COL4A1: variants seen among roughly 807,000 people sequenced by gnomAD.
COL4A1 encodes collagen alpha-1(IV) chain.
Under a neutral mutation model 216.6 loss-of-function variants are expected in COL4A1, and 40 were observed. That is an observed-to-expected ratio of 0.18 (90% CI 0.14 to 0.24). The LOEUF (loss-of-function observed/expected upper bound fraction) is 0.24, where lower values mean the gene tolerates loss of function less well. Ranked by LOEUF, COL4A1 falls within the 10% of genes least tolerant of loss-of-function variation. COL4A1 has a pLI of 1.00. For missense variants in COL4A1, 1,628 were observed against 2,196.8 expected (o/e 0.74, Z 5.18); for synonymous variants, 839 against 810.7 (o/e 1.03, Z -0.59).
chr13:110,187,900 C>A (rs1341298868), intron 24 of COL4A1, among the ~76,000 whole-genome samples: 1 of 152,156 alleles, frequency 6.6e-6, no homozygotes, highest in Non-Finnish European at 1.5e-5. Context: ...TGCTCATGCC[C>A]AGAATTCCAG....
At chr13:110,295,466 C>A (rs546050919) in intron 1 of COL4A1, among the ~76,000 whole-genome samples, 1 of 144,702 alleles carries the variant, frequency 6.9e-6, no homozygotes, top group Non-Finnish European at 1.5e-5. Context: ...GCTCTTGTTG[C>A]CCAGGCTGAA....
chr13:110,212,660 A>G (rs763335852), intron 4 of COL4A1, 42 bp from the exon 5 acceptor site: 1 of 1,610,528 alleles, frequency 6.2e-7, no homozygotes, highest in South Asian at 1.1e-5. Flanking sequence ...AAGAGCCGGG[A>G]AGCCTCACTT....
At chr13:110,157,756 C>T (rs569509466) in intron 49 of COL4A1, among the ~76,000 whole-genome samples, 1 of 152,286 alleles carries the variant, frequency 6.6e-6, no homozygotes, top group Non-Finnish European at 1.5e-5. Flanking sequence ...AGCACCTCCC[C>T]GTTGGCTTTA....
chr13:110,263,642 A>C (rs976166132), intron 1 of COL4A1, among the ~76,000 whole-genome samples: 1 of 152,156 alleles, frequency 6.6e-6, no homozygotes, highest in Admixed American at 6.5e-5. Context: ...TTATCATCAA[A>C]ATGGAATTTG....
Position 110,200,864 on chromosome 13 carries a change from G to A in COL4A1, c.1110C>T (p.Pro370=), listed in dbSNP as rs368143409. 31 of 1,614,016 alleles carry A rather than the reference G, an allele frequency of 1.9e-5. No homozygotes were observed. The Middle Eastern group carries it at 6.6e-4, about 34-fold the overall frequency. Residue 370 remains proline (P), a synonymous_variant, in exon 20 of 52, where the codon CCC becomes CCT. Coordinates refer to ENST00000375820, the MANE Select transcript of COL4A1 (RefSeq NM_001845.6). ...GTTAAGGAGTCTCACCTGGAGGTCC[G>A]GGTTGGCCTGGTAGTCCTGGGAAAC... is the stretch of plus-strand genomic sequence containing the variant. ...PKGFPGLPGQ[P]GPPGLPVPGQ... is the part of the protein sequence containing the mutation.
chr13:110,182,660 A>G (rs1039670424), intron 28 of COL4A1, among the ~76,000 whole-genome samples: 1 of 151,982 alleles, frequency 6.6e-6, no homozygotes, highest in African/African-American at 2.4e-5. Flanking sequence ...CCAACTCCCA[A>G]CCCACCCTGG....
chr13:110,238,213 A>G (rs1881410836), intron 2 of COL4A1, among the ~76,000 whole-genome samples: 2 of 152,258 alleles, frequency 1.3e-5, no homozygotes, highest in South Asian at 4.1e-4. Flanking sequence ...TTAAAGTATT[A>G]CAAGAAGGTA....
intron 2 of COL4A1, among the ~76,000 whole-genome samples, chr13:110,232,634 A>G (rs1881115244): frequency 6.6e-6 from 1 of 152,116 alleles, no homozygotes; most frequent in Non-Finnish European, 1.5e-5. Context: ...ACAAAAAAAT[A>G]TTTTTTCCCA....
Position 110,211,397 on chromosome 13 carries a change from G to A in COL4A1, c.468+250C>T, listed in dbSNP as rs80244065. Among the ~76,000 whole-genome samples the A allele has an allele frequency of 3.8e-3, 572 of 152,260 alleles. 4 individuals carry two copies. The highest frequency in any genetic ancestry group is 0.013 in the African/African-American group (529 of 41,550). On this transcript the variant is annotated intron_variant, in intron 8 of 51. Transcript: ENST00000375820. This position sits in a 1 kb window ranked among gnomAD's most constrained non-coding sequence, Gnocchi z 4.3. ...CCCAGTTTGGGTGAAGTGAGCCTTCGCCACCACACCAGGCCTCCTTCCGCT... is the reference window on the plus strand; with the variant it reads ...CCCAGTTTGGGTGAAGTGAGCCTTCACCACCACACCAGGCCTCCTTCCGCT...
At chr13:110,275,100 A>C (rs971974760) in intron 1 of COL4A1, among the ~76,000 whole-genome samples, 3 of 152,212 alleles carry the variant, frequency 2.0e-5, no homozygotes, top group African/African-American at 7.2e-5. Context: ...CTGCTCTGGG[A>C]AAGACATTCA....
intron 1 of COL4A1, among the ~76,000 whole-genome samples, chr13:110,302,868 G>A (rs563766771): frequency 6.6e-6 from 1 of 152,328 alleles, no homozygotes; most frequent in South Asian, 2.1e-4. Context: ...TGTTGCTTGA[G>A]CTGACTCTAG....
intron 1 of COL4A1, among the ~76,000 whole-genome samples, chr13:110,276,279 C>G (rs755858793): frequency 2.6e-5 from 4 of 152,166 alleles, no homozygotes; most frequent in African/African-American, 9.7e-5. Context: ...CCCCAGATTG[C>G]GAAACAGTGG....
At chr13:110,215,092 C>G (rs935883118) in intron 2 of COL4A1, among the ~76,000 whole-genome samples, 1 of 152,202 alleles carries the variant, frequency 6.6e-6, no homozygotes, top group African/African-American at 2.4e-5. Flanking sequence ...TTGTTAGCAA[C>G]AGCCTCAGTG....
chr13:110,222,347 G>A (rs895263464), intron 2 of COL4A1, among the ~76,000 whole-genome samples: 1 of 152,192 alleles, frequency 6.6e-6, no homozygotes, highest in African/African-American at 2.4e-5. Context: ...CCCGGGCGGA[G>A]GAACCAACGG....
chr13:110,236,957 C>G (rs948633530), intron 2 of COL4A1, among the ~76,000 whole-genome samples: 10 of 152,164 alleles, frequency 6.6e-5, no homozygotes, highest in African/African-American at 1.7e-4. Flanking sequence ...TTGTCACACA[C>G]AGGGGCTCGC....
intron 41 of COL4A1, among the ~76,000 whole-genome samples, chr13:110,171,859 T>C (rs1304425143): frequency 2.0e-5 from 3 of 152,198 alleles, no homozygotes; most frequent in Non-Finnish European, 4.4e-5. Context: ...GTTTGAGGGA[T>C]TCTGTGAGTT....
chr13:110,250,796 A>G (rs1218229114), intron 1 of COL4A1, among the ~76,000 whole-genome samples: 1 of 152,200 alleles, frequency 6.6e-6, no homozygotes, highest in Non-Finnish European at 1.5e-5. Flanking sequence ...GCACTAGCAC[A>G]GTGGGGCAAG....
chr13:110,292,637 A>C (rs544100843), intron 1 of COL4A1, among the ~76,000 whole-genome samples: 13 of 152,328 alleles, frequency 8.5e-5, no homozygotes, highest in Non-Finnish European at 5.9e-5. Context: ...AGCAGGAGAG[A>C]GAGCGAAGGA....
intron 2 of COL4A1, among the ~76,000 whole-genome samples, chr13:110,241,037 T>C (rs963843403): frequency 2.0e-5 from 3 of 152,060 alleles, no homozygotes; most frequent in Non-Finnish European, 4.4e-5. Flanking sequence ...GCTGGGCTAA[T>C]TTTTGTACTT....
Sources: gnomAD v4.1 joint callset for allele counts (sites outside exome capture counted in the v4.1 genomes callset) on GRCh38, gnomAD v4.1.1 for gene constraint, Gnocchi (gnomAD v3.1) non-coding constraint, MANE v1.5 for transcripts, NCBI Gene and HGNC (gene_info 2026-07-23, HGNC 2026-07-21) for gene names.